MGST2: variants seen among roughly 807,000 people sequenced by gnomAD.
MGST2 encodes glutathione peroxidase MGST2.
MGST2 carries 9 observed loss-of-function variants against 16.6 expected under a neutral mutation model. The ratio of observed to expected loss-of-function variants is 0.54; its 90% CI spans 0.33 to 0.95. MGST2 has a LOEUF of 0.95. Ranked by LOEUF, MGST2 falls within the 40% of genes least tolerant of loss-of-function variation. The pLI is 0.03. For missense variants in MGST2, 159 were observed against 175.1 expected (o/e 0.91, Z 0.52); for synonymous variants, 79 against 68.0 (o/e 1.16, Z -0.79).
chr4:139,735,152 G>C lies in MGST2; in HGVS notation c.*49-5060G>C, dbSNP rs1051521286. ...CAAGTGTTACTGCGTACAGCAGGTA[G>C]CCTGGCAACTGAGAGCACAATACCG... On this transcript the variant is annotated intron_variant, in intron 5 of 5. Transcript: ENST00000616265. This position sits in a 1 kb window ranked among gnomAD's most constrained non-coding sequence, Gnocchi z 5.8. 5.9e-5 allele frequency among the ~76,000 whole-genome samples: 9 copies of C among 152,254 alleles called. No homozygotes were observed. Among genetic ancestry groups the C allele is most frequent in the African/African-American group, 1.4e-4 (6 of 41,460 alleles).
At chr4:139,724,639 C>T (rs566980171) in intron 5 of MGST2, among the ~76,000 whole-genome samples, 1 of 152,176 alleles carries the variant, frequency 6.6e-6, no homozygotes, top group East Asian at 1.9e-4. Context: ...TGATCTAGAT[C>T]CCACAAAATG....
chr4:139,749,634 T>A, the MGST2 span, among the ~76,000 whole-genome samples: 1 of 152,218 alleles, frequency 6.6e-6, no homozygotes, highest in African/African-American at 2.4e-5. Context: ...GGAGGCCACA[T>A]TTGTGTTGCA....
chr4:139,734,090 C>T (rs1728831738), intron 5 of MGST2, among the ~76,000 whole-genome samples: 1 of 152,212 alleles, frequency 6.6e-6, no homozygotes, highest in African/African-American at 2.4e-5. Context: ...CACCTACAGC[C>T]CCCGACTCTG....
chr4:139,727,583 C>T (rs997504454), intron 5 of MGST2, among the ~76,000 whole-genome samples: 1 of 152,160 alleles, frequency 6.6e-6, no homozygotes, highest in Non-Finnish European at 1.5e-5. Context: ...CTCAGTTCCT[C>T]ATTTGTAAAA....
intron 2 of MGST2, among the ~76,000 whole-genome samples, chr4:139,682,043 A>T (rs1731269364): frequency 6.6e-6 from 1 of 152,036 alleles, no homozygotes; most frequent in South Asian, 2.1e-4. Context: ...AAAAAAAATT[A>T]AAAAATTAGC....
In MGST2 at chr4:139,704,057, T is replaced by A. The variant is rs748088842; in HGVS notation, c.353T>A (p.Leu118Ter). The change falls in exon 5 of 5, where the codon TTG (leucine) becomes TAG (stop). Residue 118 changes from leucine (L) to a stop codon, truncating the protein, a stop_gained. Transcript: ENST00000265498. LOFTEE classifies it low-confidence loss of function (END_TRUNC). The stretch of plus-strand genomic sequence containing the variant: ...CTGAGTCTGGGGATTTTGGCCTTGT[T>A]GACCCTCCTAGGTGCCCTGGGAATT... ...FRLSLGILAL[L>*]TLLGALGIAN... The A allele has an allele frequency of 6.2e-7, 1 of 1,614,174 alleles. No homozygotes were observed. Among genetic ancestry groups the A allele is most frequent in the Non-Finnish European group, 8.5e-7 (1 of 1,180,024 alleles).
intron 3 of MGST2, among the ~76,000 whole-genome samples, chr4:139,699,679 G>T (rs959412560): frequency 2.0e-5 from 3 of 152,128 alleles, no homozygotes; most frequent in African/African-American, 7.2e-5. Context: ...AACCCATGTT[G>T]TTCAAGGGTC....
At chr4:139,703,584 A>G in intron 4 of MGST2, 48 bp downstream of exon 4, 1 of 1,552,074 alleles carries the variant, frequency 6.4e-7, no homozygotes, top group Non-Finnish European at 8.9e-7. Context: ...GTAGCAGGAT[A>G]AGGTCTGGGT....
chr4:139,737,439 G>A (rs1728990132), intron 5 of MGST2, among the ~76,000 whole-genome samples: 1 of 152,032 alleles, frequency 6.6e-6, no homozygotes, highest in Non-Finnish European at 1.5e-5. Context: ...GACCACCCAG[G>A]AGGATGTTGG....
At chr4:139,719,974 G>A (rs751626068) in intron 5 of MGST2, 1 of 1,614,102 alleles carries the variant, frequency 6.2e-7, no homozygotes, top group South Asian at 1.1e-5. Flanking sequence ...TAATGGCTGA[G>A]TTCACCAGCA....
intron 2 of MGST2, among the ~76,000 whole-genome samples, chr4:139,683,340 A>G (rs1442174729): frequency 6.6e-6 from 1 of 152,130 alleles, no homozygotes; most frequent in Admixed American, 6.5e-5. Flanking sequence ...TGATTCTTGG[A>G]TTATTGGCCT....
At chr4:139,736,492 A>C (rs1053997316) in intron 5 of MGST2, among the ~76,000 whole-genome samples, 1 of 151,982 alleles carries the variant, frequency 6.6e-6, no homozygotes, top group Non-Finnish European at 1.5e-5. Flanking sequence ...CTCAGTCCCC[A>C]CCCCCTGAAA....
downstream of MGST2, chr4:139,705,510 T>G (rs1727486957): frequency 6.6e-6 from 1 of 152,056 alleles, no homozygotes; most frequent in African/African-American, 2.4e-5. Flanking sequence ...TTCAGCCAGT[T>G]TTTTTTTAAT....
intron 5 of MGST2, among the ~76,000 whole-genome samples, chr4:139,713,779 T>C (rs1315342423): frequency 6.6e-6 from 1 of 152,144 alleles, no homozygotes; most frequent in African/African-American, 2.4e-5. Flanking sequence ...AGACAGTCCA[T>C]GGAGAAGAAG....
chr4:139,671,790 C>G (rs529331418), intron 1 of MGST2, among the ~76,000 whole-genome samples: 1 of 152,070 alleles, frequency 6.6e-6, no homozygotes, highest in South Asian at 2.1e-4. Flanking sequence ...TACAGGCACA[C>G]GACACTGCAC....
rs1343910201 is a variant in MGST2 at position 139,716,137 on chromosome 4, TGA to T, written c.*48+11943_*48+11944del. On this transcript the variant is annotated intron_variant, in intron 5 of 5. Coordinates refer to the MGST2 transcript ENST00000616265. Reference sequence around the variant, plus strand: ...TAGAGCTCTGGAGCAAAATTATATCTGAGTTTGTTCAGACAAGTCAACTGGGC... The same window carrying T: ...TAGAGCTCTGGAGCAAAATTATATCTGTTTGTTCAGACAAGTCAACTGGGC... 1.1e-4 allele frequency among the ~76,000 whole-genome samples: 17 copies of T among 152,230 alleles called. No individual in the cohort carries two copies. In the South Asian group the frequency reaches 3.3e-3, roughly 30 times the overall value.
chr4:139,709,820 C>A (rs1360054095), intron 5 of MGST2, among the ~76,000 whole-genome samples: 2 of 152,168 alleles, frequency 1.3e-5, no homozygotes, highest in Non-Finnish European at 2.9e-5. Flanking sequence ...TGGCAGCTGT[C>A]CTGGGTGTGG....
chr4:139,683,860 G>A (rs1032877043), intron 2 of MGST2, among the ~76,000 whole-genome samples: 3 of 151,134 alleles, frequency 2.0e-5, no homozygotes, highest in African/African-American at 7.3e-5. Context: ...GATGGCAGCA[G>A]GCAAAAAATG....
chr4:139,711,591 C>G (rs1433385051), intron 5 of MGST2, among the ~76,000 whole-genome samples: 3 of 152,110 alleles, frequency 2.0e-5, no homozygotes, highest in Non-Finnish European at 4.4e-5. Context: ...AGAGGTCACT[C>G]TCGTCGCCAT....
Sources: gnomAD v4.1 joint callset for allele counts (sites outside exome capture counted in the v4.1 genomes callset) on GRCh38, gnomAD v4.1.1 for gene constraint, Gnocchi (gnomAD v3.1) non-coding constraint, MANE v1.5 for transcripts, NCBI Gene and HGNC (gene_info 2026-07-23, HGNC 2026-07-21) for gene names.